The following CSNK2A1 variants were observed in gnomAD, a reference collection of about 807,000 sequenced individuals.
The protein encoded by CSNK2A1 is casein kinase II subunit alpha.
Under a neutral mutation model 62.9 loss-of-function variants are expected in CSNK2A1, and 10 were observed. The ratio of observed to expected loss-of-function variants is 0.16; its 90% CI spans 0.10 to 0.27. CSNK2A1 has a LOEUF of 0.27. Among genes scored for constraint, CSNK2A1 ranks in the 10% least tolerant of loss-of-function variants. The pLI, the probability that CSNK2A1 is intolerant of heterozygous loss-of-function variation, is 1.00. For synonymous variants in CSNK2A1, 124 were observed against 167.8 expected, an observed-to-expected ratio of 0.74 and a Z score of 2.02; for missense variants, 160 against 492.0, an observed-to-expected ratio of 0.33 and a Z score of 6.38.
chr20:507,848 T>G (rs1268389442), intron 3 of CSNK2A1: 1 of 152,236 alleles, frequency 6.6e-6, no homozygotes, highest in Admixed American at 6.5e-5. Context: ...AACTTTTTGT[T>G]GCCAGGTGCC....
At chr20:516,752 TA>T (rs2122594874) in intron 2 of CSNK2A1, among the ~76,000 whole-genome samples, 1 of 152,346 alleles carries the variant, frequency 6.6e-6, no homozygotes, top group South Asian at 2.1e-4. Flanking sequence ...AATTTCCTAG[TA>T]TCAGAAATGG....
intron 2 of CSNK2A1, among the ~76,000 whole-genome samples, chr20:525,524 G>A (rs973934361): frequency 5.3e-5 from 8 of 151,368 alleles, no homozygotes; most frequent in Admixed American, 1.3e-4. Flanking sequence ...GGTGGCGGGC[G>A]CCTGTAATCC....
At chr20:493,545 T>C (rs142286953) in intron 8 of CSNK2A1, among the ~76,000 whole-genome samples, 1 of 152,342 alleles carries the variant, frequency 6.6e-6, no homozygotes, top group African/African-American at 2.4e-5. Flanking sequence ...CTGCACCCTT[T>C]ACCCAGTTTC....
chr20:499,366 G>C lies in CSNK2A1; in HGVS notation c.316-61C>G. ...GCAATAGCCCTGACAGCTTTAATGGGGACAATGTTTGCGGATGCTGCGTGG... is the reference window on the plus strand; with the variant it reads ...GCAATAGCCCTGACAGCTTTAATGGCGACAATGTTTGCGGATGCTGCGTGG... On this transcript the variant is annotated intron_variant, in intron 5 of 13. Transcript: ENST00000217244. The surrounding 1 kb of genome is among the most constrained non-coding windows in gnomAD (Gnocchi z 4.2). 6.6e-7 allele frequency: 1 copy of C among 1,526,472 alleles called. No individual in the cohort carries two copies. The highest frequency in any genetic ancestry group is 8.9e-7 in the Non-Finnish European group (1 of 1,118,874). 94.6% of individuals were successfully genotyped at this position (1,526,472 alleles called of 1,614,324 possible).
In CSNK2A1 at chr20:499,317, G is replaced by GAACAAA; in HGVS notation, c.316-18_316-13dup. ...GCGGGGGTTCGTGACTAGGGGAAAA[G>GAACAAA]AACAAAAACAAAAACACACATTAGC... On this transcript the variant is annotated splice_polypyrimidine_tract_variant and intron_variant, in intron 5 of 13. Coordinates refer to ENST00000217244, the MANE Select transcript of CSNK2A1 (RefSeq NM_177559.3). This position sits in a 1 kb window ranked among gnomAD's most constrained non-coding sequence, Gnocchi z 4.2. 6.2e-7 allele frequency: 1 copy of GAACAAA among 1,607,952 alleles called. No individual in the cohort carries two copies. Among genetic ancestry groups the GAACAAA allele is most frequent in the Non-Finnish European group, 8.5e-7 (1 of 1,177,542 alleles).
intron 3 of CSNK2A1, chr20:506,267 A>G (rs2018600487): frequency 6.6e-6 from 1 of 152,224 alleles, no homozygotes; most frequent in Non-Finnish European, 1.5e-5. Flanking sequence ...GACTGTTTCA[A>G]TCTAGCCACA....
chr20:497,829 AT>A lies in CSNK2A1; in HGVS notation c.367-50del, dbSNP rs550015109. ...CATGAAATAATGCTGACAGAAAGGC[AT>A]TTTTCACCCTCACTCACAGTAATTC... On this transcript the variant is annotated intron_variant, in intron 6 of 13. Transcript: ENST00000217244. The A allele has an allele frequency of 6.4e-5, 98 of 1,540,884 alleles. No individual in the cohort carries two copies. The East Asian group carries it at 1.8e-3, about 29-fold the overall frequency.
chr20:474,618 A>G lies in CSNK2A1; in HGVS notation c.*9343T>C, dbSNP rs999794903. On this transcript the variant is annotated 3_prime_UTR_variant, in exon 14 of 14. Transcript: ENST00000217244. ...CTTAACAATAATTTAAAAAATCTCA[A>G]AATAACATGCAACTGTTTGATTTTT... 7 of 152,242 alleles carry G rather than the reference A, an allele frequency of 4.6e-5. No homozygotes were observed. The highest frequency in any genetic ancestry group is 1.7e-4 in the African/African-American group (7 of 41,462). 9.4% of individuals were successfully genotyped at this position (152,242 alleles called of 1,614,324 possible).
At chr20:507,206 G>A (rs1452235575) in intron 3 of CSNK2A1, 1 of 148,040 alleles carries the variant, frequency 6.8e-6, no homozygotes, top group African/African-American at 2.5e-5. Flanking sequence ...AGGCTGCAGT[G>A]AGCCGAGATC....
chr20:533,070 G>A (rs1023866672), intron 1 of CSNK2A1, among the ~76,000 whole-genome samples: 2 of 151,968 alleles, frequency 1.3e-5, no homozygotes, highest in African/African-American at 4.8e-5. Context: ...TCATACTAAT[G>A]CCATATAAGT....
chr20:527,238 A>G (rs1277391316), intron 2 of CSNK2A1, among the ~76,000 whole-genome samples: 1 of 152,232 alleles, frequency 6.6e-6, no homozygotes, highest in Non-Finnish European at 1.5e-5. Flanking sequence ...ATAATTTATC[A>G]AAACTGATAC....
chr20:505,421 G>T (rs191761838), intron 3 of CSNK2A1, among the ~76,000 whole-genome samples, 192 bp from the exon 4 acceptor site: 3 of 142,548 alleles, frequency 2.1e-5, no homozygotes, highest in African/African-American at 5.3e-5. Flanking sequence ...GTGCAGTGGC[G>T]CGATCTCTGC....
At chr20:521,460 G>C (rs1227334692) in intron 2 of CSNK2A1, among the ~76,000 whole-genome samples, 1 of 152,054 alleles carries the variant, frequency 6.6e-6, no homozygotes, top group Non-Finnish European at 1.5e-5. Context: ...ATACATTCCT[G>C]GTAGGAATGC....
chr20:524,421 C>CAA (rs71191944), intron 2 of CSNK2A1, among the ~76,000 whole-genome samples: 169 of 74,726 alleles, frequency 2.3e-3, no homozygotes, highest in Non-Finnish European at 2.3e-3. Flanking sequence ...GGCTCCTTCT[C>CAA]AAAAAAAAAA....
Position 481,960 on chromosome 20 carries a change from A to G in CSNK2A1, c.*2001T>C, listed in dbSNP as rs1316510494. On this transcript the variant is annotated 3_prime_UTR_variant, in exon 14 of 14. Transcript: ENST00000217244. ...CACTGTAAGTGGTCATAAGGAAGAA[A>G]ATCACCCTGCCACACAGTCAGAATG... The G allele has an allele frequency of 6.6e-6, 1 of 152,080 alleles. No individual in the cohort carries two copies. Among genetic ancestry groups the G allele is most frequent in the Non-Finnish European group, 1.5e-5 (1 of 68,032 alleles). 9.4% of individuals were successfully genotyped at this position (152,080 alleles called of 1,614,324 possible).
At chr20:535,860 G>C (rs963521432) in intron 1 of CSNK2A1, among the ~76,000 whole-genome samples, 18 of 152,108 alleles carry the variant, frequency 1.2e-4, no homozygotes, top group African/African-American at 4.3e-4. Flanking sequence ...ACCTGAGAGA[G>C]CAAGACATAG....
chr20:487,401 T>G (rs769047572), intron 12 of CSNK2A1, 26 bp downstream of exon 12: 2 of 1,612,752 alleles, frequency 1.2e-6, no homozygotes, highest in Non-Finnish European at 1.7e-6. Flanking sequence ...CTGCACAAAC[T>G]CTGTGGGCTA....
intron 8 of CSNK2A1, chr20:494,952 T>G (rs887039699): frequency 9.9e-5 from 15 of 152,242 alleles, no homozygotes; most frequent in Admixed American, 9.2e-4. Flanking sequence ...TATAACTGGT[T>G]TAAAACTGCA....
chr20:518,713 ATTTT>A (rs10534951), intron 2 of CSNK2A1, among the ~76,000 whole-genome samples: 145 of 120,924 alleles, frequency 1.2e-3, no homozygotes, highest in Middle Eastern at 4.0e-3. Context: ...CGCCCGGCTA[ATTTT>A]TTTTTTTTTT....
Sources: gnomAD v4.1 joint callset for allele counts (sites outside exome capture counted in the v4.1 genomes callset) on GRCh38, gnomAD v4.1.1 for gene constraint, Gnocchi (gnomAD v3.1) non-coding constraint, MANE v1.5 for transcripts, NCBI Gene and HGNC (gene_info 2026-07-23, HGNC 2026-07-21) for gene names.